Variants in FAM110B observed in about 807,000 individuals in gnomAD.
FAM110B encodes family with sequence similarity 110 member B.
In FAM110B, 6 loss-of-function variants were observed where a neutral mutation model predicts 20.4. The observed-to-expected ratio is 0.29, with a 90% CI of 0.16 to 0.58. The LOEUF (loss-of-function observed/expected upper bound fraction) is 0.58. FAM110B is among the 20% of genes least tolerant of loss of function. The pLI, the probability that FAM110B is intolerant of heterozygous loss-of-function variation, is 0.90. For missense variants in FAM110B, 434 were observed against 498.2 expected (o/e 0.87, Z 1.23); for synonymous variants, 226 against 214.1 (o/e 1.06, Z -0.49).
At chr8:57,996,341 C>G (rs1298502417) in intron 1 of FAM110B, among the ~76,000 whole-genome samples, 1 of 152,272 alleles carries the variant, frequency 6.6e-6, no homozygotes, top group South Asian at 2.1e-4. Flanking sequence ...TTTAATTTTT[C>G]TTATCAAGCT....
intron 3 of FAM110B, among the ~76,000 whole-genome samples, chr8:58,125,184 C>CA (rs945963382): frequency 4.6e-5 from 7 of 152,010 alleles, no homozygotes; most frequent in African/African-American, 1.2e-4. Context: ...CCCTTCTCCA[C>CA]AAAAAATATA....
chr8:58,057,294 A>G (rs1024099347), intron 2 of FAM110B, among the ~76,000 whole-genome samples: 8 of 152,272 alleles, frequency 5.3e-5, no homozygotes, highest in Admixed American at 3.9e-4. Context: ...CACAGATACA[A>G]AAGTGCTGGG....
chr8:58,037,072 A>G (rs1248389000), intron 2 of FAM110B, among the ~76,000 whole-genome samples: 2 of 152,164 alleles, frequency 1.3e-5, no homozygotes, highest in African/African-American at 2.4e-5. Flanking sequence ...ATTGTTTGAA[A>G]ACATCAAAGT....
At chr8:58,007,722 G>A (rs573214095) in intron 1 of FAM110B, among the ~76,000 whole-genome samples, 2 of 152,316 alleles carry the variant, frequency 1.3e-5, no homozygotes, top group South Asian at 2.1e-4. Flanking sequence ...CTCATCAGAC[G>A]CTGGATCTGC....
intron 3 of FAM110B, among the ~76,000 whole-genome samples, chr8:58,094,721 G>C (rs770374462): frequency 6.6e-6 from 1 of 152,154 alleles, no homozygotes; most frequent in African/African-American, 2.4e-5. Context: ...TTTTTTGGTT[G>C]TGTCTCCGCC....
chr8:58,119,422 C>T (rs1002311242), intron 3 of FAM110B, among the ~76,000 whole-genome samples: 1 of 152,146 alleles, frequency 6.6e-6, no homozygotes, highest in African/African-American at 2.4e-5. Context: ...TAAAAGGGCA[C>T]TAATCCTATT....
chr8:58,071,948 G>C (rs1805909189), intron 2 of FAM110B, among the ~76,000 whole-genome samples: 1 of 152,172 alleles, frequency 6.6e-6, no homozygotes, highest in African/African-American at 2.4e-5. Flanking sequence ...GTAGCGGAGA[G>C]TGCAGTTTCA....
chr8:58,031,989 A>T (rs964004790), intron 2 of FAM110B, among the ~76,000 whole-genome samples: 1 of 152,140 alleles, frequency 6.6e-6, no homozygotes, highest in African/African-American at 2.4e-5. Flanking sequence ...GAATGGGGAG[A>T]TTGGCAAAAA....
intron 2 of FAM110B, among the ~76,000 whole-genome samples, chr8:58,072,135 T>A (rs1211348783): frequency 6.6e-6 from 1 of 152,088 alleles, no homozygotes; most frequent in Non-Finnish European, 1.5e-5. Flanking sequence ...TCGCTCTCTG[T>A]GTGTCTCTCT....
intron 3 of FAM110B, among the ~76,000 whole-genome samples, chr8:58,080,767 T>G (rs1806168951): frequency 6.6e-6 from 1 of 152,234 alleles, no homozygotes; most frequent in Non-Finnish European, 1.5e-5. Flanking sequence ...TCTGCATTTC[T>G]TCTGGAAATT....
chr8:58,124,325 AACAAAGC>A (rs1291484395), intron 3 of FAM110B, among the ~76,000 whole-genome samples: 2 of 152,238 alleles, frequency 1.3e-5, no homozygotes, highest in African/African-American at 4.8e-5. Context: ...CTTCTCTGGT[AACAAAGC>A]ACAGCAGACC....
At chr8:58,143,056 CAG>C (rs1803776973) in intron 3 of FAM110B, among the ~76,000 whole-genome samples, 1 of 152,226 alleles carries the variant, frequency 6.6e-6, no homozygotes, top group Non-Finnish European at 1.5e-5. Flanking sequence ...CTACAAAACT[CAG>C]AGTATTTCTC....
intron 2 of FAM110B, among the ~76,000 whole-genome samples, chr8:58,052,772 CTTTTTTTTTTTTT>C (rs71248165): frequency 5.2e-4 from 27 of 52,336 alleles, no homozygotes; most frequent in Admixed American, 5.1e-3. Context: ...GTGATGGACT[CTTTTTTTTTTTTT>C]TTTTTTTTTT....
chr8:58,063,945 T>C (rs28508605), intron 2 of FAM110B, among the ~76,000 whole-genome samples: 6,856 of 152,308 alleles, frequency 0.045, 180 homozygotes, highest in South Asian at 0.11. Flanking sequence ...CTCATGGTTC[T>C]GCGGGCTGTA....
chr8:58,006,831 G>A (rs1198984999), intron 1 of FAM110B, among the ~76,000 whole-genome samples: 5 of 148,688 alleles, frequency 3.4e-5, no homozygotes, highest in African/African-American at 4.9e-5. Flanking sequence ...CAGGTGATCC[G>A]CCCACCTCAG....
chr8:58,024,097 G>A (rs1804807570), intron 1 of FAM110B, among the ~76,000 whole-genome samples: 1 of 149,364 alleles, frequency 6.7e-6, no homozygotes. Flanking sequence ...TTTGCTAAAT[G>A]TTATTGTTTA....
chr8:58,072,941 T>C lies in FAM110B; in HGVS notation c.-413-2594T>C, dbSNP rs10504243. 0.014 allele frequency among the ~76,000 whole-genome samples: 2,121 copies of C among 152,346 alleles called. 99 individuals carry two copies. The East Asian group carries it at 0.17, about 12-fold the overall frequency. Reference sequence around the variant, plus strand: ...ATGATATTGCATGTAAGAGTTTCCATGGCAATATCTATAGGTGGATTTGTG... The same window carrying C: ...ATGATATTGCATGTAAGAGTTTCCACGGCAATATCTATAGGTGGATTTGTG... On this transcript the variant is annotated intron_variant, in intron 2 of 3. Coordinates refer to ENST00000519262, the MANE Select transcript of FAM110B (RefSeq NM_001377989.1).
intron 2 of FAM110B, among the ~76,000 whole-genome samples, chr8:58,039,656 A>G (rs1805160917): frequency 6.6e-6 from 1 of 152,216 alleles, no homozygotes; most frequent in South Asian, 2.1e-4. Context: ...TCAGAGCCAA[A>G]TTTCAGATCT....
At chr8:58,010,284 A>T (rs1384877386) in intron 1 of FAM110B, among the ~76,000 whole-genome samples, 1 of 151,260 alleles carries the variant, frequency 6.6e-6, no homozygotes, top group African/African-American at 2.4e-5. Flanking sequence ...GGCCTCCCAC[A>T]GTGCTGGGAT....
Sources: allele counts gnomAD v4.1 joint callset (sites outside exome capture counted in the v4.1 genomes callset), GRCh38; gene constraint gnomAD v4.1.1; transcripts MANE v1.5; gene names NCBI Gene and HGNC (gene_info 2026-07-23, HGNC 2026-07-21).